CEP112: variants seen among roughly 807,000 people sequenced by gnomAD.
The protein encoded by CEP112 is centrosomal protein 112, also known as centrosomal protein of 112 kDa.
CEP112 carries 127 observed loss-of-function variants against 153.0 expected under a neutral mutation model. The ratio of observed to expected loss-of-function variants is 0.83; its 90% CI spans 0.72 to 0.96. The LOEUF (loss-of-function observed/expected upper bound fraction) is 0.96. Ranked by LOEUF, CEP112 falls within the 40% of genes least tolerant of loss-of-function variation. CEP112 has a pLI of 0.00. For synonymous variants in CEP112, 358 were observed against 374.4 expected, an observed-to-expected ratio of 0.96 and a Z score of 0.51; for missense variants, 1,089 against 1,101.2, an observed-to-expected ratio of 0.99 and a Z score of 0.16.
At chr17:65,994,762 T>C (rs553145428) in intron 17 of CEP112, among the ~76,000 whole-genome samples, 1 of 152,278 alleles carries the variant, frequency 6.6e-6, no homozygotes, top group East Asian at 1.9e-4. Context: ...GGCACTTCCT[T>C]GAAAGGAAAA....
At chr17:66,186,295 G>A (rs757046044) in intron 1 of CEP112, among the ~76,000 whole-genome samples, 6 of 151,128 alleles carry the variant, frequency 4.0e-5, no homozygotes, top group Non-Finnish European at 8.9e-5. Flanking sequence ...TTTTCTTTTC[G>A]TTTCGTTTAT....
chr17:65,849,448 CTG>C (rs2057847048), intron 21 of CEP112, among the ~76,000 whole-genome samples: 1 of 152,144 alleles, frequency 6.6e-6, no homozygotes, highest in Non-Finnish European at 1.5e-5. Context: ...CCCACAGTGC[CTG>C]GGATAATGCC....
intron 20 of CEP112, among the ~76,000 whole-genome samples, chr17:65,889,219 C>G (rs1230251367): frequency 6.6e-6 from 1 of 152,120 alleles, no homozygotes; most frequent in Non-Finnish European, 1.5e-5. Context: ...TTGCTTCCTT[C>G]AACTGGATCT....
chr17:66,032,556 C>T (rs1317024220), intron 12 of CEP112, among the ~76,000 whole-genome samples: 4 of 152,116 alleles, frequency 2.6e-5, no homozygotes, highest in East Asian at 1.9e-4. Context: ...GCAACTCAGC[C>T]TTGAGTCAAT....
chr17:65,811,620 T>C (rs1299110530), intron 21 of CEP112, among the ~76,000 whole-genome samples: 1 of 152,216 alleles, frequency 6.6e-6, no homozygotes, highest in African/African-American at 2.4e-5. Context: ...ATATTGGCTA[T>C]GAGCAATTAT....
chr17:65,718,266 G>C (rs2049658982), intron 23 of CEP112, among the ~76,000 whole-genome samples: 1 of 152,004 alleles, frequency 6.6e-6, no homozygotes, highest in Admixed American at 6.6e-5. Context: ...AATCTAGCTG[G>C]GTGTGGTGGT....
rs371367385 is a variant in CEP112 at position 66,029,198 on chromosome 17, G to A, written c.1428C>T (p.Asn476=). 11 of 1,610,890 alleles carry A rather than the reference G, an allele frequency of 6.8e-6. No individual in the cohort carries two copies. The highest frequency in any genetic ancestry group is 8.5e-6 in the Non-Finnish European group (10 of 1,177,684). The change falls in exon 14 of 27, where the codon AAC becomes AAT. Residue 476 remains asparagine, a synonymous_variant. Transcript: ENST00000535342. ...KDHLVNDYEQ[N]MKLLQTKYDA... The stretch of plus-strand genomic sequence containing the variant: ...CATATTTGGTTTGTAACAGTTTCAT[G>A]TTTTGCTCATAATCATTTACAAGAT...
Position 65,679,873 on chromosome 17 carries a change from G to A in CEP112, c.2697+9256C>T, listed in dbSNP as rs9898679. ...GAATACAAATGATACTAGTTGTAAC[G>A]GTATAACAGGCGGAAGGAGCTAAGG... On this transcript the variant is annotated intron_variant, in intron 24 of 26. Coordinates refer to ENST00000535342, the MANE Select transcript of CEP112 (RefSeq NM_001199165.4). 6.6e-3 allele frequency among the ~76,000 whole-genome samples: 1,006 copies of A among 152,240 alleles called. 12 individuals are homozygous for A. Among genetic ancestry groups the A allele is most frequent in the African/African-American group, 0.023 (954 of 41,530 alleles).
chr17:65,665,324 A>T (rs2046636605), intron 24 of CEP112, among the ~76,000 whole-genome samples: 1 of 152,184 alleles, frequency 6.6e-6, no homozygotes, highest in African/African-American at 2.4e-5. Context: ...AGCTGCAGAC[A>T]ACTGAATTCT....
At chr17:65,831,005 T>A (rs1359765452) in intron 21 of CEP112, among the ~76,000 whole-genome samples, 2 of 152,218 alleles carry the variant, frequency 1.3e-5, no homozygotes, top group African/African-American at 4.8e-5. Context: ...TCACTATAAG[T>A]CTTCCCCAGA....
chr17:65,803,156 T>C (rs1194742883), intron 21 of CEP112, among the ~76,000 whole-genome samples: 1 of 152,210 alleles, frequency 6.6e-6, no homozygotes. Flanking sequence ...ATGTATCTTC[T>C]CTCTCCAAGT....
intron 4 of CEP112, among the ~76,000 whole-genome samples, chr17:66,168,584 T>C (rs868003164): frequency 6.6e-6 from 1 of 151,900 alleles, no homozygotes. Flanking sequence ...GCACAAGATG[T>C]TGAACCAACT....
At chr17:66,133,769 C>T (rs1327779115) in intron 4 of CEP112, among the ~76,000 whole-genome samples, 1 of 152,124 alleles carries the variant, frequency 6.6e-6, no homozygotes, top group Non-Finnish European at 1.5e-5. Flanking sequence ...GGATTTCCTT[C>T]ACAAACTGTG....
intron 23 of CEP112, among the ~76,000 whole-genome samples, chr17:65,728,110 A>C (rs2050285279): frequency 6.6e-6 from 1 of 152,242 alleles, no homozygotes; most frequent in Admixed American, 6.5e-5. Context: ...TTAAAAGCTA[A>C]ATAGCTTCAA....
At chr17:66,026,020 C>T (rs117353402) in intron 16 of CEP112, among the ~76,000 whole-genome samples, 2 of 150,946 alleles carry the variant, frequency 1.3e-5, no homozygotes, top group East Asian at 3.9e-4. Context: ...TGAAACAACT[C>T]AGAAAGGGAA....
intron 20 of CEP112, among the ~76,000 whole-genome samples, chr17:65,889,271 AC>A (rs1481267621): frequency 6.6e-6 from 1 of 152,140 alleles, no homozygotes; most frequent in Non-Finnish European, 1.5e-5. Context: ...CTCACAGCCC[AC>A]AACCACTTCA....
chr17:65,826,803 G>C (rs2056859711), intron 21 of CEP112, among the ~76,000 whole-genome samples: 1 of 152,174 alleles, frequency 6.6e-6, no homozygotes, highest in African/African-American at 2.4e-5. Context: ...ATGTTTTCCT[G>C]TGTGTAACTA....
intron 19 of CEP112, among the ~76,000 whole-genome samples, chr17:65,922,903 T>C (rs2060785322): frequency 6.6e-6 from 1 of 152,138 alleles, no homozygotes; most frequent in South Asian, 2.1e-4. Context: ...TGTTTCCCTC[T>C]TACCACCCCT....
At chr17:65,739,722 C>G (rs995916330) in intron 23 of CEP112, among the ~76,000 whole-genome samples, 5 of 151,284 alleles carry the variant, frequency 3.3e-5, no homozygotes, top group Non-Finnish European at 7.4e-5. Flanking sequence ...GGCAACAGAG[C>G]AAGACTCCAT....
Sources: allele counts gnomAD v4.1 joint callset (sites outside exome capture counted in the v4.1 genomes callset), GRCh38; gene constraint gnomAD v4.1.1; transcripts MANE v1.5; gene names NCBI Gene and HGNC (gene_info 2026-07-23, HGNC 2026-07-21).